WDHD1: variants seen among roughly 807,000 people sequenced by gnomAD.
WDHD1 encodes the protein WD repeat and HMG-box DNA-binding protein 1.
Under a neutral mutation model 135.4 loss-of-function variants are expected in WDHD1, and 111 were observed. The ratio of observed to expected loss-of-function variants is 0.82; its 90% CI spans 0.70 to 0.96. The LOEUF (loss-of-function observed/expected upper bound fraction) is 0.96, where lower values mean the gene tolerates loss of function less well. Among genes scored for constraint, WDHD1 ranks in the 40% least tolerant of loss-of-function variants. WDHD1 has a pLI of 0.00. For synonymous variants in WDHD1, 434 were observed against 439.0 expected, an observed-to-expected ratio of 0.99 and a Z score of 0.14; for missense variants, 1,351 against 1,336.3, an observed-to-expected ratio of 1.01 and a Z score of -0.17.
chr14:54,989,614 T>C (rs531932695), intron 12 of WDHD1, among the ~76,000 whole-genome samples: 2 of 152,236 alleles, frequency 1.3e-5, no homozygotes, highest in Admixed American at 6.5e-5. Context: ...CAGACTTTTT[T>C]CCTAACTATT....
At chr14:55,000,769 T>C in intron 9 of WDHD1, 117 bp downstream of exon 9, 8 of 1,073,962 alleles carry the variant, frequency 7.4e-6, no homozygotes, top group Non-Finnish European at 9.9e-6. Context: ...ATAATATAAA[T>C]TTAATTATAC....
chr14:54,966,435 C>T, intron 18 of WDHD1, 40 bp downstream of exon 18: 2 of 1,571,754 alleles, frequency 1.3e-6, no homozygotes. Context: ...TATAGAAAAG[C>T]ATTTAACTTT....
At chr14:54,941,986 C>T (rs978904077) in intron 25 of WDHD1, among the ~76,000 whole-genome samples, 17 of 152,188 alleles carry the variant, frequency 1.1e-4, no homozygotes, top group African/African-American at 4.1e-4. Context: ...CACGGTGGCT[C>T]ATGTCTGTAA....
chr14:54,963,366 AGTTT>A lies in WDHD1; in HGVS notation c.2311-198_2311-195del, dbSNP rs373645827. 1.1e-3 allele frequency among the ~76,000 whole-genome samples: 163 copies of A among 152,326 alleles called. 1 individual carries two copies. In the East Asian group the frequency reaches 0.029, roughly 27 times the overall value. ...AATTAATTACAATTAATGGTGGGTC[AGTTT>A]GGCAGCATTTTTATGTCTCCATGGC... On this transcript the variant is annotated intron_variant, in intron 18 of 25. Coordinates refer to ENST00000360586, the MANE Select transcript of WDHD1 (RefSeq NM_007086.4).
At position 54,955,676 on chromosome 14, in the gene WDHD1, A is replaced by T. The variant is rs375738819; in HGVS notation, c.2935T>A (p.Phe979Ile). 8 of 1,581,006 alleles carry T rather than the reference A, an allele frequency of 5.1e-6. No homozygotes were observed. The African/African-American group carries it at 1.1e-4, about 22-fold the overall frequency. ...TTAGTTTGAGAATTTCTTTTCTGGA[A>T]ATAGGATGCTGCAGATGCCTATAAA... ...KPKQASAASY[F>I]QKRNSQTNKT... Residue 979 changes from phenylalanine (F) to isoleucine (I), a missense_variant, in exon 24 of 26, where the codon TTC (phenylalanine) becomes ATC (isoleucine). Phe to Ile is a conservative substitution (Grantham distance 21, BLOSUM62 0). Transcript: ENST00000360586.
chr14:54,949,470 C>T (rs1232374965), intron 24 of WDHD1, among the ~76,000 whole-genome samples: 3 of 152,026 alleles, frequency 2.0e-5, no homozygotes, highest in Non-Finnish European at 4.4e-5. Context: ...TAAAAAGAAA[C>T]AAACAAAGCC....
intron 15 of WDHD1, among the ~76,000 whole-genome samples, chr14:54,982,647 G>A (rs1449906417): frequency 6.6e-6 from 1 of 152,114 alleles, no homozygotes; most frequent in African/African-American, 2.4e-5. Context: ...AGTTTCCGCA[G>A]GGTCTGGATC....
chr14:54,945,527 C>T (rs1353485142), intron 24 of WDHD1, among the ~76,000 whole-genome samples: 7 of 152,102 alleles, frequency 4.6e-5, no homozygotes, highest in African/African-American at 1.7e-4. Flanking sequence ...AACAACCAGG[C>T]AATTTGACTC....
chr14:54,962,601 T>A (rs1374415212), intron 20 of WDHD1, 50 bp from the exon 21 acceptor site: 2 of 1,535,872 alleles, frequency 1.3e-6, no homozygotes, highest in East Asian at 2.2e-5. Flanking sequence ...AATATAGTCA[T>A]CCTCAATATA....
intron 2 of WDHD1, 51 bp from the exon 3 acceptor site, chr14:55,013,647 T>C (rs1399698798): frequency 1.5e-6 from 2 of 1,374,586 alleles, no homozygotes; most frequent in Non-Finnish European, 1.0e-6. Context: ...GTCTCATGCC[T>C]ATAATGCTAG....
At chr14:54,995,341 T>A (rs946884441) in intron 11 of WDHD1, among the ~76,000 whole-genome samples, 3 of 150,878 alleles carry the variant, frequency 2.0e-5, no homozygotes, top group Non-Finnish European at 4.4e-5. Flanking sequence ...AGGTTTTCTG[T>A]TGTCAATTTT....
chr14:54,956,824 A>G (rs958835260), intron 23 of WDHD1, among the ~76,000 whole-genome samples: 1 of 152,176 alleles, frequency 6.6e-6, no homozygotes, highest in African/African-American at 2.4e-5. Context: ...TCCTGGGCTC[A>G]AGTGATCCTC....
Position 54,963,005 on chromosome 14 carries a change from G to A in WDHD1, c.2478C>T (p.Thr826=). ...AVEKAAELTA[T]QVEEEEEEED... ...CTTCTTCTTCTTCCTCTTCCACCTG[G>A]GTTGCTGTCAATTCGGCTGCCTTCT... Residue 826 remains threonine, a synonymous_variant, in exon 19 of 26, where the codon ACC becomes ACT. Transcript: ENST00000360586. 1 of 1,613,426 alleles carries A rather than the reference G, an allele frequency of 6.2e-7. No individual in the cohort carries two copies.
At chr14:54,944,101 T>G (rs2040880321) in intron 25 of WDHD1, among the ~76,000 whole-genome samples, 1 of 152,070 alleles carries the variant, frequency 6.6e-6, no homozygotes, top group Non-Finnish European at 1.5e-5. Flanking sequence ...TTTTTTTTAG[T>G]TGTCATGATC....
chr14:54,980,585 C>T (rs1258215268), intron 16 of WDHD1, among the ~76,000 whole-genome samples: 1 of 151,438 alleles, frequency 6.6e-6, no homozygotes, highest in East Asian at 1.9e-4. Flanking sequence ...AGGTGGATCA[C>T]TTGAGGTCAA....
chr14:54,979,328 T>A (rs567655305), intron 16 of WDHD1, among the ~76,000 whole-genome samples: 14 of 151,784 alleles, frequency 9.2e-5, no homozygotes, highest in South Asian at 2.1e-4. Context: ...ATTAAAAAAA[T>A]TTTTTTTTGT....
In WDHD1 at chr14:54,987,022, T is replaced by C; in HGVS notation, c.1768+124A>G. On this transcript the variant is annotated intron_variant, in intron 14 of 25. Transcript: ENST00000360586. ...AGTGAACACAACAAAATTATCTACA[T>C]TTAAAGATTACACGGATTCAAAAGG... is the stretch of plus-strand genomic sequence containing the variant. 5 of 1,158,496 alleles carry C rather than the reference T, an allele frequency of 4.3e-6. No homozygotes were observed. The South Asian group carries it at 4.8e-5, about 11-fold the overall frequency. 71.8% of individuals were successfully genotyped at this position (1,158,496 alleles called of 1,614,324 possible). A position where few individuals can be genotyped will look rare whatever the true frequency, so the allele number is the denominator to read the frequency against.
intron 17 of WDHD1, among the ~76,000 whole-genome samples, 187 bp downstream of exon 17, chr14:54,967,093 T>C (rs1412114250): frequency 6.6e-6 from 1 of 152,230 alleles, no homozygotes; most frequent in African/African-American, 2.4e-5. Context: ...ACAAAGTCCC[T>C]GGAAGCAGTG....
At chr14:55,007,426 A>C in intron 6 of WDHD1, 51 bp from the exon 7 acceptor site, 1 of 1,312,896 alleles carries the variant, frequency 7.6e-7, no homozygotes, top group Non-Finnish European at 1.1e-6. Flanking sequence ...TCCCCCCCAA[A>C]ATATATGCAG....
Sources: allele counts gnomAD v4.1 joint callset (sites outside exome capture counted in the v4.1 genomes callset), GRCh38; gene constraint gnomAD v4.1.1; transcripts MANE v1.5; gene names NCBI Gene and HGNC (gene_info 2026-07-23, HGNC 2026-07-21).